RORA: variants seen among roughly 807,000 people sequenced by gnomAD.
RORA encodes nuclear receptor ROR-alpha.
In RORA, 7 loss-of-function variants were observed where a neutral mutation model predicts 69.5. That is an observed-to-expected ratio of 0.10 (90% confidence interval 0.06 to 0.19). The LOEUF is 0.19. Ranked by LOEUF, RORA falls within the 10% of genes least tolerant of loss-of-function variation. The pLI is 1.00. For synonymous variants in RORA, 261 were observed against 240.8 expected, an observed-to-expected ratio of 1.08 and a Z score of -0.78; for missense variants, 457 against 663.0, an observed-to-expected ratio of 0.69 and a Z score of 3.41.
chr15:60,607,152 A>C (rs756653735), intron 2 of RORA, among the ~76,000 whole-genome samples: 1 of 152,168 alleles, frequency 6.6e-6, no homozygotes, highest in African/African-American at 2.4e-5. Flanking sequence ...AAGAACTCAA[A>C]AAGTATGGCA....
intron 1 of RORA, chr15:60,682,232 G>A (rs1377563880): frequency 1.3e-5 from 2 of 152,226 alleles, no homozygotes; most frequent in African/African-American, 2.4e-5. Flanking sequence ...TTGGTAAGGG[G>A]TGAGCAACTC....
intron 1 of RORA, among the ~76,000 whole-genome samples, chr15:60,943,811 G>T (rs970814594): frequency 2.3e-4 from 34 of 149,900 alleles, no homozygotes; most frequent in African/African-American, 8.3e-4. Flanking sequence ...AGCTACTCGG[G>T]AGGCTGAGGC....
intron 1 of RORA, among the ~76,000 whole-genome samples, chr15:60,862,247 G>A (rs915178589): frequency 6.6e-6 from 1 of 152,230 alleles, no homozygotes; most frequent in African/African-American, 2.4e-5. Context: ...ACCTCTTACA[G>A]GTAACAGTAC....
intron 1 of RORA, among the ~76,000 whole-genome samples, chr15:60,982,186 C>G (rs995722543): frequency 1.3e-5 from 2 of 152,220 alleles, no homozygotes; most frequent in African/African-American, 4.8e-5. Context: ...CTTCAACACT[C>G]AACCAGGCAG....
At chr15:61,150,065 A>T (rs117732375) in intron 1 of RORA, among the ~76,000 whole-genome samples, 1,908 of 152,292 alleles carry the variant, frequency 0.013, 15 homozygotes, top group Non-Finnish European at 0.019. Context: ...TTCAAAGAGT[A>T]CTACACATGG....
intron 1 of RORA, among the ~76,000 whole-genome samples, chr15:60,789,992 G>T (rs766493126): frequency 1.1e-4 from 17 of 152,226 alleles, no homozygotes; most frequent in Non-Finnish European, 2.1e-4. Flanking sequence ...TGATACAACC[G>T]ATAAGTGTTG....
intron 1 of RORA, among the ~76,000 whole-genome samples, chr15:61,191,842 A>G (rs977366072): frequency 1.3e-5 from 2 of 152,260 alleles, no homozygotes; most frequent in African/African-American, 4.8e-5. Context: ...GATGGTTTAT[A>G]AAATAACAGG....
intron 1 of RORA, among the ~76,000 whole-genome samples, chr15:60,873,142 T>C (rs753650330): frequency 9.2e-5 from 14 of 152,078 alleles, no homozygotes; most frequent in Non-Finnish European, 1.6e-4. Flanking sequence ...CCCTCACTCA[T>C]GATTAAAGTG....
intron 1 of RORA, among the ~76,000 whole-genome samples, chr15:61,132,304 T>C (rs1441195328): frequency 6.6e-6 from 1 of 152,134 alleles, no homozygotes; most frequent in South Asian, 2.1e-4. Flanking sequence ...TTAACGGATG[T>C]TTGAATGATT....
intron 1 of RORA, among the ~76,000 whole-genome samples, chr15:61,155,897 G>T (rs1005140393): frequency 6.6e-6 from 1 of 152,090 alleles, no homozygotes; most frequent in Non-Finnish European, 1.5e-5. Flanking sequence ...TTTCAACCCA[G>T]CCAAGGCAGG....
chr15:60,493,360 G>A lies in RORA; in HGVS notation c.*4095C>T, dbSNP rs2065084008. 6.6e-6 allele frequency: 1 copy of A among 152,012 alleles called. No individual in the cohort carries two copies. The allele number at this position is 152,012 out of a possible 1,614,324, so 9.4% of individuals were successfully genotyped here. A position where few individuals can be genotyped will look rare whatever the true frequency, so the allele number is the denominator to read the frequency against. ...TGTACAAATATGTATTTTTCCCTGA[G>A]GGATCAAGGTACACCCGCAAGTGCT... is the stretch of plus-strand genomic sequence containing the variant. On this transcript the variant is annotated 3_prime_UTR_variant, in exon 11 of 11. Transcript: ENST00000335670.
chr15:61,163,608 A>G (rs2079515969), intron 1 of RORA, among the ~76,000 whole-genome samples: 1 of 152,218 alleles, frequency 6.6e-6, no homozygotes, highest in Non-Finnish European at 1.5e-5. Flanking sequence ...AATTGAGACC[A>G]GATACGTGCC....
At position 61,043,209 on chromosome 15, in the gene RORA, G is replaced by A. The variant is rs887759816; in HGVS notation, c.166+185844C>T. ...ACAGAGGGCAAACATTCTGCCCCAC[G>A]TCCAATCTAGGTAACTTAACCTCAG... On this transcript the variant is annotated intron_variant, in intron 1 of 10. Coordinates refer to ENST00000335670, the MANE Select transcript of RORA (RefSeq NM_134261.3). Among the ~76,000 whole-genome samples the A allele has an allele frequency of 3.3e-5, 5 of 152,280 alleles. No individual in the cohort carries two copies. The Middle Eastern group carries it at 0.01, about 311-fold the overall frequency.
intron 2 of RORA, among the ~76,000 whole-genome samples, chr15:60,573,537 T>A (rs1287626556): frequency 6.6e-6 from 1 of 152,252 alleles, no homozygotes; most frequent in African/African-American, 2.4e-5. Context: ...CCTCCCTCCG[T>A]GGCCTCCCGG....
intron 1 of RORA, among the ~76,000 whole-genome samples, chr15:60,777,922 A>T (rs185500846): frequency 5.9e-5 from 9 of 152,234 alleles, no homozygotes; most frequent in African/African-American, 2.2e-4. Context: ...ACAAAAGCAC[A>T]TCTGGAGGAT....
chr15:60,603,387 T>C (rs1284222337), intron 2 of RORA, among the ~76,000 whole-genome samples: 1 of 152,224 alleles, frequency 6.6e-6, no homozygotes, highest in Admixed American at 6.5e-5. Context: ...ATCAGCAATG[T>C]ATGAGAGTTC....
At chr15:61,178,599 T>G (rs1413432074) in intron 1 of RORA, among the ~76,000 whole-genome samples, 1 of 152,140 alleles carries the variant, frequency 6.6e-6, no homozygotes, top group African/African-American at 2.4e-5. Flanking sequence ...AAAAGCTTTT[T>G]GATATTTTGA....
At chr15:60,850,910 G>A (rs1289016374) in intron 1 of RORA, among the ~76,000 whole-genome samples, 1 of 152,190 alleles carries the variant, frequency 6.6e-6, no homozygotes, top group Non-Finnish European at 1.5e-5. Context: ...AAACAAGACT[G>A]CTTTCTGAAA....
chr15:60,542,374 T>G (rs1365568911), intron 2 of RORA, among the ~76,000 whole-genome samples: 1 of 150,918 alleles, frequency 6.6e-6, no homozygotes, highest in African/African-American at 2.5e-5. Flanking sequence ...TATGCTCACA[T>G]GTACCACACA....
Sources: allele counts gnomAD v4.1 joint callset (sites outside exome capture counted in the v4.1 genomes callset), GRCh38; gene constraint gnomAD v4.1.1; transcripts MANE v1.5; gene names NCBI Gene and HGNC (gene_info 2026-07-23, HGNC 2026-07-21).